The following CYP4B1 variants were observed in gnomAD, a reference collection of about 807,000 sequenced individuals.
CYP4B1 encodes the protein cytochrome P450 4B1.
A neutral mutation model predicts 54.0 loss-of-function variants in CYP4B1; 45 were observed. That is an observed-to-expected ratio of 0.83 (90% confidence interval 0.66 to 1.07). The LOEUF (loss-of-function observed/expected upper bound fraction) is 1.07, where lower values mean the gene tolerates loss of function less well. Ranked by LOEUF, CYP4B1 falls within the 50% of genes least tolerant of loss-of-function variation. CYP4B1 has a pLI of 0.00. For synonymous variants in CYP4B1, 248 were observed against 247.5 expected, an observed-to-expected ratio of 1.00 and a Z score of -0.02; for missense variants, 656 against 655.4, an observed-to-expected ratio of 1.00 and a Z score of -0.01.
intron 1 of CYP4B1, among the ~76,000 whole-genome samples, chr1:46,800,120 T>G (rs916869826): frequency 6.6e-6 from 1 of 152,218 alleles, no homozygotes; most frequent in East Asian, 1.9e-4. Context: ...TTTTCTTTCT[T>G]TCCCTCTCTT....
intron 1 of CYP4B1, among the ~76,000 whole-genome samples, chr1:46,809,898 A>T (rs1679027167): frequency 6.6e-6 from 1 of 152,218 alleles, no homozygotes; most frequent in Non-Finnish European, 1.5e-5. Context: ...GTTTTGCAAA[A>T]ATATTTATTG....
intron 5 of CYP4B1, 76 bp from the exon 6 acceptor site, chr1:46,813,833 T>C (rs908742299): frequency 3.5e-5 from 54 of 1,560,734 alleles, no homozygotes; most frequent in Non-Finnish European, 4.6e-5. Context: ...TGGGGCTAGA[T>C]TCCTGGAATG....
Position 46,813,915 on chromosome 1 carries a change from C to G in CYP4B1, c.627C>G (p.Asp209Glu), listed in dbSNP as rs1679218994. 2 of 1,614,104 alleles carry G rather than the reference C, an allele frequency of 1.2e-6. No individual in the cohort carries two copies. Among genetic ancestry groups the G allele is most frequent in the Middle Eastern group, 1.6e-4 (1 of 6,062 alleles). ...RGDTGLGHSR[D>E]SSYYLAVSDL... ...CCTCCTACCCTCTGCTTAGCAGGGA[C>G]AGCAGCTACTACCTTGCAGTCAGCG... Residue 209 changes from aspartate (D) to glutamate (E), a missense_variant, in exon 6 of 12, where the codon GAC becomes GAG. Asp to Glu is a conservative substitution (Grantham distance 45). Coordinates refer to ENST00000371923, the MANE Select transcript of CYP4B1 (RefSeq NM_001099772.2).
At chr1:46,816,101 T>TCC (rs3835463) in intron 8 of CYP4B1, among the ~76,000 whole-genome samples, 1 of 151,104 alleles carries the variant, frequency 6.6e-6, no homozygotes, top group Non-Finnish European at 1.5e-5. Flanking sequence ...TATGTGAGAA[T>TCC]CCCCCCCCCA....
At position 46,808,182 on chromosome 1, in the gene CYP4B1, A is replaced by T. The variant is rs943893463; in HGVS notation, c.181-2626A>T. On this transcript the variant is annotated intron_variant, in intron 1 of 11. Coordinates refer to ENST00000371923, the MANE Select transcript of CYP4B1 (RefSeq NM_001099772.2). ...ACTCTTTTTAACAAACAGCTCTCAAATGGTATTTCTAGTTCTAGATCCCTG... is the reference window on the plus strand; with the variant it reads ...ACTCTTTTTAACAAACAGCTCTCAATTGGTATTTCTAGTTCTAGATCCCTG... 7.9e-5 allele frequency among the ~76,000 whole-genome samples: 12 copies of T among 152,300 alleles called. No individual in the cohort carries two copies. The South Asian group carries it at 1.9e-3, about 24-fold the overall frequency.
chr1:46,815,208 G>T lies in CYP4B1; in HGVS notation c.1017G>T (p.Gln339His), dbSNP rs754719484. 6.2e-7 allele frequency: 1 copy of T among 1,606,616 alleles called. No individual in the cohort carries two copies. Among genetic ancestry groups the T allele is most frequent in the Admixed American group, 1.7e-5 (1 of 59,102 alleles). The change falls in exon 8 of 12, where the codon CAG becomes CAT. Residue 339 changes from glutamine to histidine, a missense_variant. By Grantham distance (24) the Gln-to-His change is conservative (BLOSUM62 0). Transcript: ENST00000371923. The stretch of plus-strand genomic sequence containing the variant: ...GCATGGCCCTGTACCCTGAGCACCA[G>T]CATCGTTGTAGAGAGGAGGTCCGCG... ...LYCMALYPEHQHRCREEVREI... is the reference protein window; with the variant it reads ...LYCMALYPEHHHRCREEVREI...
chr1:46,811,310 G>C (rs574273658), intron 3 of CYP4B1, 126 bp downstream of exon 3: 2 of 915,760 alleles, frequency 2.2e-6, no homozygotes, highest in East Asian at 5.1e-5. Context: ...CCCATCCTAA[G>C]CTCAGCTGCT....
intron 1 of CYP4B1, among the ~76,000 whole-genome samples, chr1:46,805,047 T>C (rs1035332835): frequency 1.3e-5 from 2 of 152,248 alleles, no homozygotes; most frequent in Non-Finnish European, 1.5e-5. Context: ...TGCTCACCAC[T>C]GTAACCAGAA....
At chr1:46,802,608 C>T (rs901381909) in intron 1 of CYP4B1, among the ~76,000 whole-genome samples, 1 of 152,218 alleles carries the variant, frequency 6.6e-6, no homozygotes, top group African/African-American at 2.4e-5. Flanking sequence ...CTCAAATCAA[C>T]CCAGTCTTTG....
intron 1 of CYP4B1, among the ~76,000 whole-genome samples, chr1:46,808,584 A>G (rs1053233553): frequency 1.3e-5 from 2 of 151,996 alleles, no homozygotes; most frequent in African/African-American, 4.8e-5. Flanking sequence ...ATTTTCTCCC[A>G]TTTTGTAGGT....
At chr1:46,814,146 C>G in intron 6 of CYP4B1, 63 bp from the exon 7 acceptor site, 1 of 1,609,948 alleles carries the variant, frequency 6.2e-7, no homozygotes, top group Non-Finnish European at 8.5e-7. Context: ...ATTATAGGAC[C>G]CCAGTTCCCC....
chr1:46,806,784 C>T (rs1678878446), intron 1 of CYP4B1: 1 of 152,198 alleles, frequency 6.6e-6, no homozygotes, highest in Non-Finnish European at 1.5e-5. Context: ...ATTTTCATAC[C>T]CTGCTCTCTT....
intron 1 of CYP4B1, among the ~76,000 whole-genome samples, chr1:46,800,203 CTT>C (rs1491461832): frequency 9.0e-5 from 3 of 33,514 alleles, no homozygotes; most frequent in African/African-American, 1.7e-4. Flanking sequence ...CTTTCTCTTT[CTT>C]TCTTTCTTTC....
chr1:46,817,521 G>T (rs1174598118), intron 9 of CYP4B1, among the ~76,000 whole-genome samples: 1 of 152,230 alleles, frequency 6.6e-6, no homozygotes, highest in Admixed American at 6.5e-5. Context: ...ATGCTGTGCA[G>T]TGTGCAACCT....
chr1:46,816,913 G>T, intron 8 of CYP4B1, 135 bp from the exon 9 acceptor site: 1 of 1,006,028 alleles, frequency 9.9e-7, no homozygotes. Context: ...CCTGGCCAGG[G>T]GCACTTGGAA....
Position 46,818,662 on chromosome 1 carries a change from G to A in CYP4B1, c.1387G>A (p.Glu463Lys), listed in dbSNP as rs1383122061. ...CATTGGGCAGCAGTTTGCCATGAGT[G>A]AGATGAAGGTGGTCACAGCCATGTG... The part of the protein sequence containing the change: ...NCIGQQFAMS[E>K]MKVVTAMCLL... Residue 463 changes from glutamate (E) to lysine (K), a missense_variant, in exon 12 of 12, where the codon GAG becomes AAG. Glu to Lys is a moderately conservative substitution (Grantham distance 56, BLOSUM62 1). Coordinates refer to ENST00000371923, the MANE Select transcript of CYP4B1 (RefSeq NM_001099772.2). 6.2e-7 allele frequency: 1 copy of A among 1,614,226 alleles called. No homozygotes were observed. The highest frequency in any genetic ancestry group is 1.1e-5 in the South Asian group (1 of 91,086).
chr1:46,816,371 G>A lies in CYP4B1; in HGVS notation c.1074-677G>A, dbSNP rs991696887. ...CTGGGTAACAATGTGAACACAACCC[G>A]AGGCAGGGATTAGAATATTTATTTT... is the stretch of plus-strand genomic sequence containing the variant. On this transcript the variant is annotated intron_variant, in intron 8 of 11. Transcript: ENST00000371923. 5.3e-5 allele frequency among the ~76,000 whole-genome samples: 8 copies of A among 152,270 alleles called. No individual in the cohort carries two copies. In the South Asian group the frequency reaches 6.2e-4, roughly 12 times the overall value.
Position 46,813,985 on chromosome 1 carries a change from C to T in CYP4B1, c.697C>T (p.His233Tyr), listed in dbSNP as rs1387978031. The change falls in exon 6 of 12, where the codon CAT becomes TAT. Residue 233 changes from histidine (H) to tyrosine (Y), a missense_variant. Physicochemically the swap from His to Tyr is moderately conservative, Grantham distance 83. Transcript: ENST00000371923. ...MQQRLVSFQY[H>Y]NDFIYWLTPH... ...GCAGCGCCTTGTGTCCTTCCAGTACCATAATGACTTCATCTACTGGCTCAC... is the reference window on the plus strand; with the variant it reads ...GCAGCGCCTTGTGTCCTTCCAGTACTATAATGACTTCATCTACTGGCTCAC... The T allele has an allele frequency of 6.2e-7, 1 of 1,614,156 alleles. No individual in the cohort carries two copies. The highest frequency in any genetic ancestry group is 2.2e-5 in the East Asian group (1 of 44,874).
chr1:46,811,496 A>C (rs1026544247), intron 3 of CYP4B1, among the ~76,000 whole-genome samples: 1 of 152,164 alleles, frequency 6.6e-6, no homozygotes, highest in Non-Finnish European at 1.5e-5. Context: ...TTAAATAGGT[A>C]GTGCTGGCCA....
Sources: allele counts gnomAD v4.1 joint callset (sites outside exome capture counted in the v4.1 genomes callset), GRCh38; gene constraint gnomAD v4.1.1; transcripts MANE v1.5; gene names NCBI Gene and HGNC (gene_info 2026-07-23, HGNC 2026-07-21).